Variants in SVOP observed in about 807,000 individuals in gnomAD.
SVOP encodes the protein synaptic vesicle 2-related protein.
SVOP carries 17 observed loss-of-function variants against 69.1 expected under a neutral mutation model. The observed-to-expected ratio is 0.25, with a 90% CI of 0.17 to 0.37. The LOEUF (loss-of-function observed/expected upper bound fraction) is 0.37, where lower values mean the gene tolerates loss of function less well. Ranked by LOEUF, SVOP falls within the 10% of genes least tolerant of loss-of-function variation. The pLI is 1.00. For missense variants in SVOP, 435 were observed against 597.5 expected (o/e 0.73, Z 2.84); for synonymous variants, 238 against 238.6 (o/e 1.00, Z 0.02).
At chr12:108,932,367 G>C (rs2039826181) in intron 11 of SVOP, among the ~76,000 whole-genome samples, 1 of 151,930 alleles carries the variant, frequency 6.6e-6, no homozygotes. Context: ...TTAGGCCCAG[G>C]AGATCAAGGC....
In SVOP at chr12:108,930,754, C is replaced by T. The variant is rs117977632; in HGVS notation, c.1048+3441G>A. ...TGGTGAGTTGACTGCTTTTGAGTGG[C>T]GGAAATCAGCGATTGGCACAAGAGT... On this transcript the variant is annotated intron_variant, in intron 11 of 15. Transcript: ENST00000610966. Among the ~76,000 whole-genome samples, 735 of 152,128 alleles carry T rather than the reference C, an allele frequency of 4.8e-3. 3 individuals are homozygous for T. The highest frequency in any genetic ancestry group is 0.01 in the Middle Eastern group (3 of 294).
chr12:108,938,730 C>T, intron 9 of SVOP, 97 bp downstream of exon 9: 1 of 1,565,980 alleles, frequency 6.4e-7, no homozygotes, highest in Non-Finnish European at 8.7e-7. Flanking sequence ...CACATACCCA[C>T]ATGTGTCCTC....
intron 8 of SVOP, among the ~76,000 whole-genome samples, chr12:108,940,539 G>A (rs1463504527): frequency 6.6e-6 from 1 of 150,560 alleles, no homozygotes; most frequent in African/African-American, 2.5e-5. Flanking sequence ...CAATGATGGG[G>A]CCAATGTATC....
rs10861977 is a variant in SVOP at position 108,910,838 on chromosome 12, A to T, written c.*1697T>A. The T allele has an allele frequency of 0.35, 52,921 of 152,146 alleles. 9,592 individuals carry two copies. The highest frequency in any genetic ancestry group is 0.52 in the Admixed American group (7,950 of 15,288). 9.4% of individuals were successfully genotyped at this position (152,146 alleles called of 1,614,324 possible). A position where few individuals can be genotyped will look rare whatever the true frequency, so the allele number is the denominator to read the frequency against. ...AAAGGTAGTCAGACCGTTAGGCTGG[A>T]CTGTCACTAGGACATGATGACAATG... On this transcript the variant is annotated 3_prime_UTR_variant, in exon 16 of 16. Transcript: ENST00000610966.
chr12:109,012,668 C>T (rs2040348656), intron 1 of SVOP, among the ~76,000 whole-genome samples: 1 of 152,140 alleles, frequency 6.6e-6, no homozygotes, highest in South Asian at 2.1e-4. Flanking sequence ...TGGTTCAAGC[C>T]TGTAATCCCA....
At chr12:108,962,041 A>G (rs895806533) in intron 5 of SVOP, among the ~76,000 whole-genome samples, 4 of 152,216 alleles carry the variant, frequency 2.6e-5, no homozygotes, top group Non-Finnish European at 5.9e-5. Flanking sequence ...AGTTATTTTA[A>G]TGAATGACAT....
At chr12:108,974,404 T>A (rs574422392) in intron 4 of SVOP, among the ~76,000 whole-genome samples, 1 of 152,256 alleles carries the variant, frequency 6.6e-6, no homozygotes, top group African/African-American at 2.4e-5. Context: ...AGGAGAAAAA[T>A]TTTAGTGCTT....
chr12:108,977,170 C>T (rs993827763), intron 4 of SVOP, among the ~76,000 whole-genome samples: 1 of 152,206 alleles, frequency 6.6e-6, no homozygotes, highest in South Asian at 2.1e-4. Flanking sequence ...AAGCTCCCAG[C>T]AACAGAATAG....
intron 1 of SVOP, among the ~76,000 whole-genome samples, chr12:109,015,071 AG>A (rs1455080732): frequency 6.6e-6 from 1 of 152,140 alleles, no homozygotes; most frequent in African/African-American, 2.4e-5. Context: ...GGTATATGAG[AG>A]GGCTGCAAAT....
Position 108,974,706 on chromosome 12 carries a change from G to A in SVOP, c.382-2230C>T, listed in dbSNP as rs149672624. On this transcript the variant is annotated intron_variant, in intron 4 of 15. Coordinates refer to ENST00000610966, the MANE Select transcript of SVOP (RefSeq NM_018711.5). The stretch of plus-strand genomic sequence containing the variant: ...AAATCACGCCACTATACTCCAGCCT[G>A]GGCAACACAGAGAGACCCTATTTCA... Among the ~76,000 whole-genome samples, 23 of 147,286 alleles carry A rather than the reference G, an allele frequency of 1.6e-4. No homozygotes were observed. In the East Asian group the frequency reaches 4.7e-3, roughly 30 times the overall value.
chr12:109,018,757 T>G lies in SVOP; in HGVS notation c.35+2077A>C, dbSNP rs183047882. Among the ~76,000 whole-genome samples the G allele has an allele frequency of 1.8e-4, 28 of 152,252 alleles. 1 individual carries two copies. Among genetic ancestry groups the G allele is most frequent in the Admixed American group, 1.8e-3 (27 of 15,282 alleles). ...TTTGCAGATTAAGATTTTGAGGGAG[T>G]CCAGTACAGTAAACCTACATATTTT... On this transcript the variant is annotated intron_variant, in intron 1 of 15. Coordinates refer to ENST00000610966, the MANE Select transcript of SVOP (RefSeq NM_018711.5).
chr12:108,940,920 A>G lies in SVOP; in HGVS notation c.643-11T>C, dbSNP rs545435029. ...GATGGCCCAGAATACCTGGCACAGG[A>G]GAATCAGGGTCAGTGGTGGGGGTAG... On this transcript the variant is annotated splice_polypyrimidine_tract_variant and intron_variant, in intron 7 of 15. Transcript: ENST00000610966. 3.9e-6 allele frequency: 6 copies of G among 1,536,064 alleles called. No individual in the cohort carries two copies. In the South Asian group the frequency reaches 6.0e-5, roughly 15 times the overall value.
At chr12:108,992,336 T>C (rs2137446241) in intron 1 of SVOP, among the ~76,000 whole-genome samples, 2 of 150,362 alleles carry the variant, frequency 1.3e-5, no homozygotes, top group South Asian at 4.2e-4. Context: ...AGTCTAGGGG[T>C]TCAAGACCAG....
intron 14 of SVOP, among the ~76,000 whole-genome samples, chr12:108,916,235 T>C (rs1206413339): frequency 6.6e-6 from 1 of 152,222 alleles, no homozygotes; most frequent in Non-Finnish European, 1.5e-5. Context: ...TCAAGGGACT[T>C]CATAAAGAGA....
intron 2 of SVOP, among the ~76,000 whole-genome samples, chr12:108,980,606 T>C (rs1186215686): frequency 0.27 from 35,438 of 130,490 alleles, 5,347 homozygotes; most frequent in African/African-American, 0.37. Flanking sequence ...AAAAATTAGC[T>C]GGGCGCGGTG....
intron 2 of SVOP, among the ~76,000 whole-genome samples, chr12:108,979,831 G>GA (rs1257009253): frequency 6.6e-6 from 1 of 151,834 alleles, no homozygotes; most frequent in Non-Finnish European, 1.5e-5. Flanking sequence ...TTTATGCTCA[G>GA]AAAAAAACAC....
At chr12:109,015,202 C>A (rs1016422940) in intron 1 of SVOP, among the ~76,000 whole-genome samples, 1 of 152,064 alleles carries the variant, frequency 6.6e-6, no homozygotes, top group Non-Finnish European at 1.5e-5. Context: ...AGGAGCCTGG[C>A]TGGCATGGCT....
chr12:108,954,858 C>T (rs189550588), intron 6 of SVOP, among the ~76,000 whole-genome samples: 9 of 152,220 alleles, frequency 5.9e-5, no homozygotes, highest in Middle Eastern at 3.4e-3. Flanking sequence ...AGTTAGACCC[C>T]GATCTCTACC....
intron 10 of SVOP, among the ~76,000 whole-genome samples, chr12:108,935,955 C>T (rs763647366): frequency 5.9e-5 from 9 of 151,992 alleles, no homozygotes; most frequent in Admixed American, 2.0e-4. Context: ...AAAATACGTG[C>T]CACATGCCAC....
Sources: gnomAD v4.1 joint callset for allele counts (sites outside exome capture counted in the v4.1 genomes callset) on GRCh38, gnomAD v4.1.1 for gene constraint, MANE v1.5 for transcripts, NCBI Gene and HGNC (gene_info 2026-07-23, HGNC 2026-07-21) for gene names.